Variants in ZNF582 observed in about 807,000 individuals in gnomAD.
ZNF582 encodes the protein zinc finger protein 582.
A neutral mutation model predicts 12.3 loss-of-function variants in ZNF582; 14 were observed. That is an observed-to-expected ratio of 1.14 (90% CI 0.75 to 1.78). The LOEUF (loss-of-function observed/expected upper bound fraction) is 1.78. ZNF582 is among the 40% of genes most tolerant of loss of function. The pLI is 0.00. For missense variants in ZNF582, 567 were observed against 616.5 expected (o/e 0.92, Z 0.85); for synonymous variants, 210 against 207.2 (o/e 1.01, Z -0.11).
intron 4 of ZNF582, among the ~76,000 whole-genome samples, chr19:56,389,731 G>A (rs868642347): frequency 6.6e-6 from 1 of 151,972 alleles, no homozygotes; most frequent in Non-Finnish European, 1.5e-5. Flanking sequence ...AAAAGATACA[G>A]ACATCTTTCC....
intron 4 of ZNF582, chr19:56,388,316 C>T (rs991243626): frequency 6.6e-6 from 1 of 152,092 alleles, no homozygotes; most frequent in Non-Finnish European, 1.5e-5. Context: ...ATGCCACCTA[C>T]TATTAATCCA....
chr19:56,391,380 A>G (rs966204445), intron 2 of ZNF582, among the ~76,000 whole-genome samples: 1 of 152,216 alleles, frequency 6.6e-6, no homozygotes, highest in South Asian at 2.1e-4. Flanking sequence ...CCAAAGCAGG[A>G]CACTGTACCA....
intron 1 of ZNF582, among the ~76,000 whole-genome samples, chr19:56,392,119 C>T (rs1041843955): frequency 6.6e-6 from 1 of 152,176 alleles, no homozygotes; most frequent in African/African-American, 2.4e-5. Flanking sequence ...TGACTGAGAC[C>T]CACATGTTAC....
intron 4 of ZNF582, among the ~76,000 whole-genome samples, chr19:56,387,131 G>GT (rs2041973154): frequency 6.6e-6 from 1 of 152,190 alleles, no homozygotes. Context: ...TATGAGTGCT[G>GT]TATTTTGTGC....
chr19:56,391,765 T>C (rs1303396126), exon 2 of ZNF582: 5 of 1,614,120 alleles, frequency 3.1e-6, no homozygotes, highest in Non-Finnish European at 4.2e-6. Context: ...CTTTTAGAAT[T>C]TCAAGGGCTG....
At chr19:56,383,967 C>T in exon 5 of ZNF582, 1 of 1,613,748 alleles carries the variant, frequency 6.2e-7, no homozygotes, top group Non-Finnish European at 8.5e-7. Flanking sequence ...GGCTTTTCTA[C>T]ATTTATTATA....
exon 5 of ZNF582, chr19:56,383,657 G>C (rs2041936828): frequency 4.3e-6 from 2 of 465,156 alleles, no homozygotes; most frequent in Non-Finnish European, 7.0e-6. Flanking sequence ...TGTGGTTCTG[G>C]AATGTGTTAG....
In ZNF582 at chr19:56,385,179, C is replaced by A. The variant is rs1413004025; in HGVS notation, c.238G>T (p.Glu80Ter). The A allele has an allele frequency of 1.3e-6, 2 of 1,570,900 alleles. No individual in the cohort carries two copies. The highest frequency in any genetic ancestry group is 1.4e-5 in the African/African-American group (1 of 72,858). ...AATTCCTTGGTATCATATCTGGACT[C>A]CAATACTAAGAATGAAAAAAAGCGA... is the stretch of plus-strand genomic sequence containing the variant. Residue 80 changes from glutamate (E) to a stop codon, truncating the protein, a stop_gained, in exon 5 of 5, where the codon GAG becomes TAG. Coordinates refer to ENST00000586929, the Ensembl canonical transcript of ZNF582. LOFTEE classifies it low-confidence loss of function (END_TRUNC).
At chr19:56,386,403 A>G (rs895599941) in intron 4 of ZNF582, 4 of 152,168 alleles carry the variant, frequency 2.6e-5, no homozygotes, top group Non-Finnish European at 4.4e-5. Flanking sequence ...CATTTCTTAA[A>G]TTTCTTAAAT....
chr19:56,384,512 T>C (rs1427504134), exon 5 of ZNF582: 2 of 1,613,368 alleles, frequency 1.2e-6, no homozygotes, highest in South Asian at 1.1e-5. Flanking sequence ...ATGAATTCTA[T>C]AATGTACTTT....
At chr19:56,390,143 C>T (rs1328778502) in intron 3 of ZNF582, 47 bp from the exon 4 acceptor site, 3 of 1,561,668 alleles carry the variant, frequency 1.9e-6, no homozygotes, top group Non-Finnish European at 2.6e-6. Context: ...GTGGGGGCCC[C>T]AGAATTCAGA....
At chr19:56,393,467 C>T in exon 1 of ZNF582, 1 of 518,990 alleles carries the variant, frequency 1.9e-6, no homozygotes, top group South Asian at 1.4e-5. Context: ...GTCCAAGTGC[C>T]ACCGCGGCCG....
At chr19:56,389,897 TTGAA>T in intron 4 of ZNF582, 100 bp downstream of exon 4, 5 of 858,488 alleles carry the variant, frequency 5.8e-6, no homozygotes, top group South Asian at 3.2e-5. Flanking sequence ...GACATAAGCT[TTGAA>T]GGTAGCAACC....
intron 2 of ZNF582, 42 bp downstream of exon 2, chr19:56,391,702 C>A (rs1035748700): frequency 6.3e-7 from 1 of 1,588,582 alleles, no homozygotes. Flanking sequence ...TGGAAAGTTT[C>A]AAGATAAGGA....
Position 56,391,819 on chromosome 19 carries a change from C to A in ZNF582, c.-67G>T. ...TCCTCTCTTGGGGAAGGGCAGAGTC[C>A]TGCGACGGTAGAGCTGGGGGAGGAA... On this transcript the variant is annotated 5_prime_UTR_variant, in exon 2 of 5. In the 5' UTR this introduces an upstream ATG that the reference lacks. Coordinates refer to ENST00000586929, the Ensembl canonical transcript of ZNF582. The A allele has an allele frequency of 1.2e-6, 2 of 1,614,052 alleles. No homozygotes were observed. The highest frequency in any genetic ancestry group is 2.2e-5 in the South Asian group (2 of 91,080).
At chr19:56,384,687 G>C in exon 5 of ZNF582, 1 of 1,612,742 alleles carries the variant, frequency 6.2e-7, no homozygotes, top group Non-Finnish European at 8.5e-7. Context: ...CTCTGATGTT[G>C]TATAAAATTT....
chr19:56,384,684 G>A (rs1392432485), exon 5 of ZNF582: 1 of 1,613,454 alleles, frequency 6.2e-7, no homozygotes, highest in Non-Finnish European at 8.5e-7. Context: ...ACTCTCTGAT[G>A]TTGTATAAAA....
In ZNF582 at chr19:56,390,457, T is replaced by C. The variant is rs573171880; in HGVS notation, c.54A>G (p.Glu18=). ...GAGCAGGTGCCAACCACTGCCATTC[T>C]TCTTGGGAGAAGACTATGGCCACAT... Residue 18 remains glutamate, a synonymous_variant, in exon 3 of 5, where the codon GAA becomes GAG. Transcript: ENST00000586929. 16 of 1,614,192 alleles carry C rather than the reference T, an allele frequency of 9.9e-6. No homozygotes were observed. The South Asian group carries it at 1.5e-4, about 16-fold the overall frequency.
intron 4 of ZNF582, chr19:56,387,783 A>C (rs1188014626): frequency 6.6e-6 from 1 of 152,236 alleles, no homozygotes; most frequent in Non-Finnish European, 1.5e-5. Flanking sequence ...TTTAATATGT[A>C]AAAGTATTAA....
Sources: allele counts gnomAD v4.1 joint callset (sites outside exome capture counted in the v4.1 genomes callset), GRCh38; gene constraint gnomAD v4.1.1; transcripts MANE v1.5; gene names NCBI Gene and HGNC (gene_info 2026-07-23, HGNC 2026-07-21).